SLC4A10: variants seen among roughly 807,000 people sequenced by gnomAD.
SLC4A10 encodes solute carrier family 4 member 10.
SLC4A10 carries 42 observed loss-of-function variants against 137.7 expected under a neutral mutation model. That is an observed-to-expected ratio of 0.30 (90% CI 0.24 to 0.39). SLC4A10 has a LOEUF of 0.39. SLC4A10 is among the 10% of genes least tolerant of loss of function. The pLI is 1.00. For missense variants in SLC4A10, 925 were observed against 1,355.0 expected (o/e 0.68, Z 4.98); for synonymous variants, 474 against 464.1 (o/e 1.02, Z -0.27).
At chr2:161,960,415 G>T (rs975852225) in intron 21 of SLC4A10, among the ~76,000 whole-genome samples, 2 of 149,662 alleles carry the variant, frequency 1.3e-5, no homozygotes, top group African/African-American at 4.9e-5. Flanking sequence ...AGAGACACAG[G>T]ACAGGGAAGA....
At chr2:161,896,173 C>T (rs1287655180) in intron 11 of SLC4A10, among the ~76,000 whole-genome samples, 1 of 152,046 alleles carries the variant, frequency 6.6e-6, no homozygotes, top group African/African-American at 2.4e-5. Flanking sequence ...AATAGGGAAT[C>T]CTTTCCCCAT....
chr2:161,790,037 G>C (rs2054041350), intron 2 of SLC4A10, among the ~76,000 whole-genome samples: 2 of 152,060 alleles, frequency 1.3e-5, no homozygotes, highest in Non-Finnish European at 2.9e-5. Flanking sequence ...ACTTAAATAG[G>C]TCACCTGACT....
At chr2:161,640,113 A>G (rs952834747) in intron 1 of SLC4A10, among the ~76,000 whole-genome samples, 1 of 151,982 alleles carries the variant, frequency 6.6e-6, no homozygotes, top group Non-Finnish European at 1.5e-5. Flanking sequence ...TTTTTATTCA[A>G]TTATTTATTT....
chr2:161,747,590 G>A (rs73005119), intron 1 of SLC4A10, among the ~76,000 whole-genome samples: 271 of 152,176 alleles, frequency 1.8e-3, no homozygotes, highest in African/African-American at 5.8e-3. Flanking sequence ...GTGTTCCTGC[G>A]AGTGGGATGA....
At chr2:161,886,442 A>G (rs1343349219) in intron 10 of SLC4A10, among the ~76,000 whole-genome samples, 1 of 152,190 alleles carries the variant, frequency 6.6e-6, no homozygotes, top group African/African-American at 2.4e-5. Context: ...TTGAAGGAGT[A>G]GTCTCTACTA....
chr2:161,952,759 A>G (rs1695018150), intron 19 of SLC4A10, among the ~76,000 whole-genome samples: 1 of 152,200 alleles, frequency 6.6e-6, no homozygotes, highest in Admixed American at 6.5e-5. Context: ...ATCTACATTG[A>G]ACCCCTATTG....
At chr2:161,940,770 G>C (rs1692537472) in intron 15 of SLC4A10, among the ~76,000 whole-genome samples, 2 of 152,170 alleles carry the variant, frequency 1.3e-5, no homozygotes, top group African/African-American at 4.8e-5. Flanking sequence ...AAAAGAGATA[G>C]CTAAGAAGAG....
chr2:161,800,970 T>C (rs1486744266), intron 2 of SLC4A10, among the ~76,000 whole-genome samples: 2 of 152,000 alleles, frequency 1.3e-5, no homozygotes, highest in Admixed American at 1.3e-4. Flanking sequence ...GGAGGCATTG[T>C]CCTCCAGAGA....
chr2:161,792,915 A>G (rs1181664940), intron 2 of SLC4A10, among the ~76,000 whole-genome samples: 2 of 152,158 alleles, frequency 1.3e-5, no homozygotes, highest in African/African-American at 4.8e-5. Context: ...AATTTAAAAT[A>G]TCAATTGATA....
intron 1 of SLC4A10, among the ~76,000 whole-genome samples, chr2:161,751,385 A>C (rs2048959049): frequency 1.4e-5 from 2 of 140,668 alleles, no homozygotes. Flanking sequence ...GCTAGGTTTA[A>C]TTACTTTTCC....
rs902863021 is a variant in SLC4A10, at chr2:161,971,478, A to G, written c.3160-2771A>G. 2.6e-5 allele frequency among the ~76,000 whole-genome samples: 4 copies of G among 152,178 alleles called. No individual in the cohort carries two copies. The South Asian group carries it at 8.3e-4, about 32-fold the overall frequency. On this transcript the variant is annotated intron_variant, in intron 23 of 26. Coordinates refer to ENST00000446997, the MANE Select transcript of SLC4A10 (RefSeq NM_001178015.2). ...TCTTCCCCATGTTGTAGAACCCAGC[A>G]TGCTTTTAATGGGTCCTATGTAAAT...
At chr2:161,747,368 A>G (rs894100187) in intron 1 of SLC4A10, among the ~76,000 whole-genome samples, 4 of 152,054 alleles carry the variant, frequency 2.6e-5, no homozygotes, top group Non-Finnish European at 1.5e-5. Context: ...AAGTCCCACA[A>G]TCACTTTTCC....
rs2060022079 is a variant in SLC4A10, at chr2:161,854,955, T to C, written c.417-15T>C. The C allele has an allele frequency of 1.2e-6, 2 of 1,607,430 alleles. No individual in the cohort carries two copies. Among genetic ancestry groups the C allele is most frequent in the Non-Finnish European group, 1.7e-6 (2 of 1,176,994 alleles). The stretch of plus-strand genomic sequence containing the variant: ...AATATAATATAAACTGTGCTGATAA[T>C]ATTTGTTTGTATAGGTGGTTGAAGT... On this transcript the variant is annotated splice_polypyrimidine_tract_variant and intron_variant, in intron 4 of 26. Coordinates refer to ENST00000446997, the MANE Select transcript of SLC4A10 (RefSeq NM_001178015.2).
rs1479870151 is a variant in SLC4A10 at position 161,701,668 on chromosome 2, C to CCTA, written c.49-69305_49-69304insCTA. On this transcript the variant is annotated intron_variant, in intron 1 of 26. Transcript: ENST00000446997. ...CCTACTATAACAGTGAATACTAGAA[C>CCTA]TGATTCCTTCTATCTAATTTTATTT... Among the ~76,000 whole-genome samples, 858 of 151,922 alleles carry CCTA rather than the reference C, an allele frequency of 5.6e-3. 4 individuals are homozygous for CCTA. Among genetic ancestry groups the CCTA allele is most frequent in the African/African-American group, 0.02 (822 of 41,502 alleles).
chr2:161,820,169 A>T (rs1425688534), intron 3 of SLC4A10, among the ~76,000 whole-genome samples: 1 of 152,176 alleles, frequency 6.6e-6, no homozygotes. Flanking sequence ...TTAGGTGGTA[A>T]ATTGTGCACA....
chr2:161,962,958 A>G (rs1440288372), intron 21 of SLC4A10, among the ~76,000 whole-genome samples: 1 of 152,168 alleles, frequency 6.6e-6, no homozygotes, highest in Non-Finnish European at 1.5e-5. Context: ...ATAAAATCTA[A>G]TATTACTTTT....
intron 8 of SLC4A10, among the ~76,000 whole-genome samples, chr2:161,874,765 A>T (rs1227831384): frequency 6.6e-6 from 1 of 152,136 alleles, no homozygotes; most frequent in African/African-American, 2.4e-5. Context: ...TTGAATCCCA[A>T]CTCTGGCATT....
chr2:161,645,478 G>A (rs758491924), intron 1 of SLC4A10, among the ~76,000 whole-genome samples: 3 of 151,692 alleles, frequency 2.0e-5, no homozygotes, highest in Non-Finnish European at 4.4e-5. Flanking sequence ...GCCTCATCCT[G>A]ATATTTTTCC....
chr2:161,717,545 A>G (rs576666808), intron 1 of SLC4A10, among the ~76,000 whole-genome samples: 1 of 152,188 alleles, frequency 6.6e-6, no homozygotes, highest in Non-Finnish European at 1.5e-5. Context: ...ATCTAATGAG[A>G]TAATCACGTG....
Sources: allele counts gnomAD v4.1 joint callset (sites outside exome capture counted in the v4.1 genomes callset), GRCh38; gene constraint gnomAD v4.1.1; transcripts MANE v1.5; gene names NCBI Gene and HGNC (gene_info 2026-07-23, HGNC 2026-07-21).